NEBL: variants seen among roughly 807,000 people sequenced by gnomAD.
NEBL encodes the protein nebulette, also known as LIM and SH3 protein 2.
Under a neutral mutation model 140.2 loss-of-function variants are expected in NEBL, and 122 were observed. The observed-to-expected ratio is 0.87, with a 90% CI of 0.75 to 1.01. NEBL has a LOEUF of 1.01. Among genes scored for constraint, NEBL ranks in the 50% least tolerant of loss-of-function variants. The probability of loss-of-function intolerance (pLI) is 0.00; values close to 1 mark genes in which losing one functional copy is unlikely to be tolerated. For missense variants in NEBL, 1,365 were observed against 1,231.3 expected (o/e 1.11, Z -1.62); for synonymous variants, 436 against 398.9 (o/e 1.09, Z -1.11).
At chr10:21,176,187 G>T (rs1275936407), upstream of NEBL, among the ~76,000 whole-genome samples, 1 of 151,988 alleles carries the variant, frequency 6.6e-6, no homozygotes, top group Non-Finnish European at 1.5e-5. Flanking sequence ...ATTTTTTGTA[G>T]AGATGGGATC....
upstream of NEBL, among the ~76,000 whole-genome samples, chr10:20,899,072 A>C (rs555834064): frequency 1.3e-3 from 194 of 152,336 alleles, no homozygotes; most frequent in African/African-American, 4.6e-3. Flanking sequence ...GGCCCAGTGT[A>C]GTGGATTCCA....
chr10:21,183,388 C>G (rs1841415235), intron 3 of NEBL, among the ~76,000 whole-genome samples: 1 of 152,060 alleles, frequency 6.6e-6, no homozygotes, highest in Non-Finnish European at 1.5e-5. Context: ...AAGAGGGCGT[C>G]TGGACACCAC....
At chr10:20,941,485 TG>T in intron 4 of NEBL, among the ~76,000 whole-genome samples, 1 of 152,076 alleles carries the variant, frequency 6.6e-6, no homozygotes, top group Admixed American at 6.5e-5. Flanking sequence ...TCATACCAAA[TG>T]GGCAAAAAGT....
chr10:21,274,335 G>A (rs1379693061), intron 1 of NEBL, among the ~76,000 whole-genome samples: 1 of 152,200 alleles, frequency 6.6e-6, no homozygotes, highest in African/African-American at 2.4e-5. Context: ...ATGTCCTGCT[G>A]TTGACAAGAA....
rs540395551 is a variant in NEBL, at chr10:20,850,324, A to G, written c.1116+71T>C. The G allele has an allele frequency of 3.0e-5, 38 of 1,250,934 alleles. No individual in the cohort carries two copies. In the South Asian group the frequency reaches 3.2e-4, roughly 11 times the overall value. The allele number at this position is 1,250,934 out of a possible 1,614,324, so 77.5% of individuals were successfully genotyped here. A position where few individuals can be genotyped will look rare whatever the true frequency, so the allele number is the denominator to read the frequency against. ...ACTCTTCCTTCCAGACCCACTGAAC[A>G]TTCTGCGTCCTTTCAAATGACAAAA... On this transcript the variant is annotated intron_variant, in intron 11 of 27. Coordinates refer to ENST00000377122, the MANE Select transcript of NEBL (RefSeq NM_006393.3).
intron 3 of NEBL, among the ~76,000 whole-genome samples, chr10:21,231,949 G>A (rs534079110): frequency 9.2e-5 from 14 of 152,122 alleles, no homozygotes; most frequent in South Asian, 8.3e-4. Context: ...TCCCTTTTGC[G>A]GTTTATACAC....
At chr10:20,931,728 C>T (rs1215170246) in intron 4 of NEBL, among the ~76,000 whole-genome samples, 3 of 152,188 alleles carry the variant, frequency 2.0e-5, no homozygotes, top group Admixed American at 6.5e-5. Context: ...CAACAGTGAC[C>T]ACCAAGAACT....
At chr10:20,978,569 C>T (rs946073107) in intron 3 of NEBL, among the ~76,000 whole-genome samples, 16 of 151,872 alleles carry the variant, frequency 1.1e-4, no homozygotes, top group African/African-American at 3.9e-4. Context: ...ACAGCCTGTG[C>T]AACATAGCAA....
intron 10 of NEBL, among the ~76,000 whole-genome samples, chr10:20,851,362 A>T (rs996696293): frequency 2.0e-5 from 3 of 152,164 alleles, no homozygotes; most frequent in Admixed American, 2.0e-4. Context: ...GAACTTTATG[A>T]AACAGGAAAT....
chr10:21,169,067 A>AAAAAAATATATAT (rs1554830679), intron 2 of NEBL, among the ~76,000 whole-genome samples: 15 of 23,062 alleles, frequency 6.5e-4, no homozygotes, highest in East Asian at 1.3e-3. Context: ...AAAAAAAAAA[A>AAAAAAATATATAT]ATATATATAT....
At position 20,782,703 on chromosome 10, in the gene NEBL, C is replaced by G. The variant is rs1013962360; in HGVS notation, c.*3044G>C. The G allele has an allele frequency of 1.3e-5, 2 of 152,158 alleles. No homozygotes were observed. The allele number at this position is 152,158 out of a possible 1,614,324, so 9.4% of individuals were successfully genotyped here. ...CGAGGAGACCTGGGATCATCAAGAG[C>G]CTCCTCCATGGGCAGTTGATAACCA... On this transcript the variant is annotated 3_prime_UTR_variant, in exon 28 of 28. Coordinates refer to ENST00000377122, the MANE Select transcript of NEBL (RefSeq NM_006393.3).
At chr10:20,832,900 C>T (rs1840549300) in intron 14 of NEBL, among the ~76,000 whole-genome samples, 1 of 152,100 alleles carries the variant, frequency 6.6e-6, no homozygotes, top group Non-Finnish European at 1.5e-5. Flanking sequence ...TATTAATATT[C>T]AATTATTACT....
In NEBL at chr10:20,785,879, G is replaced by A. The variant is rs575423101; in HGVS notation, c.2913C>T (p.Asp971=). Residue 971 remains aspartate, a synonymous_variant, in exon 28 of 28, where the codon GAC becomes GAT. Transcript: ENST00000377122. The part of the protein sequence containing the change: ...AMYDYSAQDE[D]EVSFRDGDYI... Reference sequence around the variant, plus strand: ...AGTCGCCGTCTCTAAAGGAGACCTCGTCTTCATCCTGGGCACTGTAATCGT... The same window carrying A: ...AGTCGCCGTCTCTAAAGGAGACCTCATCTTCATCCTGGGCACTGTAATCGT... 232 of 1,613,972 alleles carry A rather than the reference G, an allele frequency of 1.4e-4. 3 individuals carry two copies. The South Asian group carries it at 2.0e-3, about 14-fold the overall frequency.
intron 2 of NEBL, among the ~76,000 whole-genome samples, chr10:21,023,537 T>G (rs751090203): frequency 6.6e-6 from 1 of 151,716 alleles, no homozygotes; most frequent in Non-Finnish European, 1.5e-5. Context: ...CTACTAAAAA[T>G]ACAAAAAAAT....
chr10:20,893,405 G>A lies in NEBL; in HGVS notation c.154-3456C>T, dbSNP rs1268973044. ...TTATGTGATTAACAGAAAAATAAAA[G>A]AGGCTGCCTCAGAAGACCAGCTGTT... On this transcript the variant is annotated intron_variant, in intron 2 of 27. Transcript: ENST00000377122. Among the ~76,000 whole-genome samples, 2 of 152,188 alleles carry A rather than the reference G, an allele frequency of 1.3e-5. 1 individual carries two copies. The highest frequency in any genetic ancestry group is 3.8e-4 in the East Asian group (2 of 5,196).
At chr10:21,030,503 A>G in intron 2 of NEBL, 1 of 815,848 alleles carries the variant, frequency 1.2e-6, no homozygotes. Flanking sequence ...CCCTCCACCA[A>G]AGGAGAATGC....
chr10:21,179,585 C>T (rs569476818), upstream of NEBL, among the ~76,000 whole-genome samples: 92 of 152,218 alleles, frequency 6.0e-4, no homozygotes, highest in African/African-American at 2.1e-3. Context: ...CGGTGCTCTG[C>T]GATCATTAAA....
chr10:21,113,622 G>A (rs1838149886), intron 2 of NEBL, among the ~76,000 whole-genome samples: 2 of 152,050 alleles, frequency 1.3e-5, no homozygotes, highest in African/African-American at 4.8e-5. Context: ...TTTGATAAAT[G>A]TTGCCCAGGT....
At chr10:21,217,492 C>T (rs1031716641) in intron 3 of NEBL, among the ~76,000 whole-genome samples, 10 of 128,806 alleles carry the variant, frequency 7.8e-5, no homozygotes, top group Non-Finnish European at 1.2e-4. Flanking sequence ...GTTCTAAATA[C>T]GACTGGCTTC....
Sources: allele counts gnomAD v4.1 joint callset (sites outside exome capture counted in the v4.1 genomes callset), GRCh38; gene constraint gnomAD v4.1.1; transcripts MANE v1.5; gene names NCBI Gene and HGNC (gene_info 2026-07-23, HGNC 2026-07-21).